Variants in TIAM1 observed in about 807,000 individuals in gnomAD.
TIAM1 encodes TIAM Rac1 associated GEF 1.
Under a neutral mutation model 163.5 loss-of-function variants are expected in TIAM1, and 65 were observed. That is an observed-to-expected ratio of 0.40 (90% confidence interval 0.33 to 0.49). TIAM1 has a LOEUF of 0.49. TIAM1 is among the 20% of genes least tolerant of loss of function. TIAM1 has a pLI of 0.77. For synonymous variants in TIAM1, 833 were observed against 810.1 expected (o/e 1.03, Z -0.48); for missense variants, 1,789 against 2,044.7 (o/e 0.87, Z 2.41).
At position 31,130,936 on chromosome 21, in the gene TIAM1, G is replaced by C. The variant is rs962156996; in HGVS notation, c.3896C>G (p.Ala1299Gly). ...ACCATCTTTATACACAAGGACCACA[G>C]CAGTTTTGAAGACTGGAAAAAATAA... is the stretch of plus-strand genomic sequence containing the variant. ...PELAAFVFKT[A>G]VVLVYKDGSK... The change falls in exon 24 of 28, where the codon GCT becomes GGT. Residue 1299 changes from alanine (A) to glycine (G), a missense_variant. By Grantham distance (60) the Ala-to-Gly change is moderately conservative (BLOSUM62 0). Coordinates refer to ENST00000541036, the MANE Select transcript of TIAM1 (RefSeq NM_001353694.2). The C allele has an allele frequency of 6.2e-7, 1 of 1,613,814 alleles. No individual in the cohort carries two copies. Among genetic ancestry groups the C allele is most frequent in the Non-Finnish European group, 8.5e-7 (1 of 1,179,974 alleles).
intron 2 of TIAM1, among the ~76,000 whole-genome samples, chr21:31,461,310 C>T (rs1273824067): frequency 6.6e-6 from 1 of 151,924 alleles, no homozygotes; most frequent in Non-Finnish European, 1.5e-5. Flanking sequence ...ATGGTGTAAC[C>T]CCGTCTCTAC....
intron 2 of TIAM1, among the ~76,000 whole-genome samples, chr21:31,296,575 T>C (rs1338751905): frequency 6.6e-6 from 1 of 152,162 alleles, no homozygotes; most frequent in African/African-American, 2.4e-5. Flanking sequence ...GTCTCTTCTA[T>C]TTCAAATCCC....
At chr21:31,472,950 C>G (rs1360933206) in intron 1 of TIAM1, among the ~76,000 whole-genome samples, 1 of 152,172 alleles carries the variant, frequency 6.6e-6, no homozygotes, top group Non-Finnish European at 1.5e-5. Context: ...TCTTCGCACT[C>G]CAGTCAAATG....
intron 12 of TIAM1, among the ~76,000 whole-genome samples, chr21:31,201,880 A>G (rs2086220323): frequency 6.6e-6 from 1 of 152,230 alleles, no homozygotes; most frequent in Non-Finnish European, 1.5e-5. Context: ...TTTGCTAAAG[A>G]GCAAAGAGCT....
intron 2 of TIAM1, among the ~76,000 whole-genome samples, chr21:31,398,069 C>T (rs2077102646): frequency 6.6e-6 from 1 of 151,414 alleles, no homozygotes; most frequent in African/African-American, 2.4e-5. Flanking sequence ...CCCCTACAAC[C>T]TCCCCCAACC....
chr21:31,350,511 T>C (rs9976904), intron 2 of TIAM1, among the ~76,000 whole-genome samples: 39,319 of 151,964 alleles, frequency 0.26, 6,244 homozygotes, highest in African/African-American at 0.43. Context: ...GGGGGTGGAT[T>C]TCTCATGTAG....
chr21:31,536,213 T>A (rs2048129675), intron 1 of TIAM1, among the ~76,000 whole-genome samples: 1 of 152,150 alleles, frequency 6.6e-6, no homozygotes, highest in Admixed American at 6.5e-5. Context: ...TCTATTATTT[T>A]CCCCATGTGA....
chr21:31,138,255 T>C (rs1037927544), intron 22 of TIAM1, among the ~76,000 whole-genome samples: 8 of 152,238 alleles, frequency 5.3e-5, no homozygotes, highest in South Asian at 4.1e-4. Flanking sequence ...GAGTTTAACA[T>C]GGGGGTAGGA....
chr21:31,167,182 C>A lies in TIAM1; in HGVS notation c.2888-2117G>T, dbSNP rs181084759. ...TCTCAGCTCACTTCAACCTCTGAGT[C>A]CTGGGTTCAAGTGATTCTCCTGCCT... On this transcript the variant is annotated intron_variant, in intron 15 of 27. Transcript: ENST00000541036. Among the ~76,000 whole-genome samples, 132 of 147,014 alleles carry A rather than the reference C, an allele frequency of 9.0e-4. 2 individuals are homozygous for A. The highest frequency in any genetic ancestry group is 3.3e-3 in the African/African-American group (127 of 38,928).
chr21:31,472,666 C>G (rs2045786487), intron 1 of TIAM1, among the ~76,000 whole-genome samples: 1 of 152,196 alleles, frequency 6.6e-6, no homozygotes, highest in Admixed American at 6.5e-5. Flanking sequence ...CTGGCACCAC[C>G]AGCCCATGAG....
At chr21:31,530,516 A>G (rs2047936190) in intron 1 of TIAM1, among the ~76,000 whole-genome samples, 1 of 152,264 alleles carries the variant, frequency 6.6e-6, no homozygotes, top group Admixed American at 6.5e-5. Context: ...ACTAAAGCAT[A>G]TTTGTGTGGC....
intron 1 of TIAM1, among the ~76,000 whole-genome samples, chr21:31,521,295 G>T (rs1159774020): frequency 6.6e-6 from 1 of 152,140 alleles, no homozygotes; most frequent in East Asian, 1.9e-4. Context: ...TTAGAAAAAG[G>T]TTTCTAGAGT....
At chr21:31,463,212 T>C (rs563207913) in intron 2 of TIAM1, among the ~76,000 whole-genome samples, 42 of 152,332 alleles carry the variant, frequency 2.8e-4, no homozygotes, top group African/African-American at 9.9e-4. Context: ...CTTTGAACTC[T>C]TACCTGCCGA....
At chr21:31,183,915 C>G (rs552993365) in intron 14 of TIAM1, among the ~76,000 whole-genome samples, 33 of 149,610 alleles carry the variant, frequency 2.2e-4, no homozygotes, top group African/African-American at 8.1e-4. Context: ...GGCTGGTCTG[C>G]TGACCTCAGG....
intron 9 of TIAM1, among the ~76,000 whole-genome samples, chr21:31,215,180 A>C (rs1243900075): frequency 2.0e-5 from 3 of 152,184 alleles, no homozygotes; most frequent in African/African-American, 4.8e-5. Flanking sequence ...GCAGAAGCAC[A>C]TGAACAAAGG....
rs2072770763 is a variant in TIAM1, at chr21:31,266,397, A to G, written c.576T>C (p.His192=). The G allele has an allele frequency of 6.2e-7, 1 of 1,614,118 alleles. No homozygotes were observed. The change falls in exon 4 of 28, where the codon CAT becomes CAC. Residue 192 remains histidine, a synonymous_variant. Transcript: ENST00000541036. The part of the protein sequence containing the change: ...EFSLSDLSQE[H]LTSNEEILGS... ...CCAAGATTTCTTCGTTGCTTGTTAA[A>G]TGTTCTTGGCTCAGATCAGAGAGTG...
At chr21:31,475,435 G>A (rs943223289) in intron 1 of TIAM1, among the ~76,000 whole-genome samples, 3 of 152,142 alleles carry the variant, frequency 2.0e-5, no homozygotes, top group African/African-American at 2.4e-5. Context: ...AGGGTTTGGC[G>A]ACTTCCTGGA....
rs1270734588 is a variant in TIAM1, at chr21:31,537,281, G to A, written c.-422+21646C>T. Among the ~76,000 whole-genome samples, 5 of 152,124 alleles carry A rather than the reference G, an allele frequency of 3.3e-5. No individual in the cohort carries two copies. In the East Asian group the frequency reaches 7.7e-4, roughly 23 times the overall value. ...ATAGTATTCAACTCACCCGCATAGG[G>A]CTGAACATAGGTCAAGGGTCTTGGG... On this transcript the variant is annotated intron_variant, in intron 1 of 28. Transcript: ENST00000286827.
intron 1 of TIAM1, among the ~76,000 whole-genome samples, chr21:31,516,341 G>A (rs903133838): frequency 6.6e-6 from 1 of 152,170 alleles, no homozygotes; most frequent in South Asian, 2.1e-4. Flanking sequence ...GAACCCAGGA[G>A]GTGGAGGTTG....
Sources: gnomAD v4.1 joint callset for allele counts (sites outside exome capture counted in the v4.1 genomes callset) on GRCh38, gnomAD v4.1.1 for gene constraint, MANE v1.5 for transcripts, NCBI Gene and HGNC (gene_info 2026-07-23, HGNC 2026-07-21) for gene names.